BRINP2: variants seen among roughly 807,000 people sequenced by gnomAD.
BRINP2 encodes the protein BMP/retinoic acid-inducible neural-specific protein 2.
Under a neutral mutation model 69.2 loss-of-function variants are expected in BRINP2, and 21 were observed. The observed-to-expected ratio is 0.30, with a 90% CI of 0.22 to 0.44. The LOEUF (loss-of-function observed/expected upper bound fraction) is 0.44. Ranked by LOEUF, BRINP2 falls within the 20% of genes least tolerant of loss-of-function variation. The pLI is 1.00. For missense variants in BRINP2, 877 were observed against 986.0 expected (o/e 0.89, Z 1.48); for synonymous variants, 380 against 394.1 (o/e 0.96, Z 0.42).
At chr1:177,191,533 C>A (rs1267174060) in intron 1 of BRINP2, among the ~76,000 whole-genome samples, 1 of 152,194 alleles carries the variant, frequency 6.6e-6, no homozygotes, top group African/African-American at 2.4e-5. Context: ...CAGCTCACTG[C>A]AACCTCTGCT....
chr1:177,247,344 A>G (rs1352704544), intron 2 of BRINP2, among the ~76,000 whole-genome samples: 1 of 152,244 alleles, frequency 6.6e-6, no homozygotes, highest in Non-Finnish European at 1.5e-5. Context: ...TCTGAGAACA[A>G]AGACAGTTGA....
chr1:177,176,020 T>C (rs1002888525), intron 1 of BRINP2, among the ~76,000 whole-genome samples: 1 of 152,208 alleles, frequency 6.6e-6, no homozygotes, highest in Non-Finnish European at 1.5e-5. Flanking sequence ...ACCAATCTCG[T>C]CTGACCAATT....
At chr1:177,274,364 T>A (rs1436145493) in intron 5 of BRINP2, among the ~76,000 whole-genome samples, 1 of 152,238 alleles carries the variant, frequency 6.6e-6, no homozygotes, top group African/African-American at 2.4e-5. Flanking sequence ...CTGTTTAAGA[T>A]ATTATTGTCT....
chr1:177,182,959 CTTTT>C (rs1055234536), intron 1 of BRINP2, among the ~76,000 whole-genome samples: 1 of 150,370 alleles, frequency 6.7e-6, no homozygotes, highest in East Asian at 1.9e-4. Context: ...TGTTGTTTTT[CTTTT>C]TTTTTCTTTT....
intron 2 of BRINP2, among the ~76,000 whole-genome samples, chr1:177,253,196 C>T (rs139781988): frequency 1.3e-5 from 2 of 152,242 alleles, no homozygotes; most frequent in African/African-American, 4.8e-5. Context: ...TCTCTGCATC[C>T]TGACCAGCAT....
In BRINP2 at chr1:177,171,978, G is replaced by A. The variant is rs201848435; in HGVS notation, c.-77+246G>A. On this transcript the variant is annotated intron_variant, in intron 1 of 7. Coordinates refer to ENST00000361539, the MANE Select transcript of BRINP2 (RefSeq NM_021165.4). ...TGTTGCATGGCTGTCAGAGGGTTTGGGCTCCCTGCCTGACCTATATTGCTT... is the reference window on the plus strand; with the variant it reads ...TGTTGCATGGCTGTCAGAGGGTTTGAGCTCCCTGCCTGACCTATATTGCTT... 3.3e-5 allele frequency among the ~76,000 whole-genome samples: 5 copies of A among 152,138 alleles called. No individual in the cohort carries two copies. In the East Asian group the frequency reaches 9.6e-4, roughly 29 times the overall value.
In BRINP2 at chr1:177,194,630, T is replaced by G. The variant is rs1012599087; in HGVS notation, c.-77+22898T>G. ...TCCTTCTATCCCCTTTTGATTTTAA[T>G]AAGCCTTCATTTTTTCCCTCTCCTG... On this transcript the variant is annotated intron_variant, in intron 1 of 7. Coordinates refer to ENST00000361539, the MANE Select transcript of BRINP2 (RefSeq NM_021165.4). 2.0e-5 allele frequency among the ~76,000 whole-genome samples: 3 copies of G among 152,218 alleles called. No homozygotes were observed. The East Asian group carries it at 5.8e-4, about 29-fold the overall frequency.
intron 1 of BRINP2, among the ~76,000 whole-genome samples, chr1:177,227,992 C>T (rs545571994): frequency 6.6e-6 from 1 of 152,288 alleles, no homozygotes; most frequent in Admixed American, 6.5e-5. Flanking sequence ...TGTCTTACCG[C>T]CTGCTCTAGT....
chr1:177,280,356 G>C (rs772103592), intron 7 of BRINP2, 56 bp from the exon 8 acceptor site: 2 of 1,485,246 alleles, frequency 1.3e-6, no homozygotes, highest in Non-Finnish European at 1.8e-6. Flanking sequence ...CCTTAAGAAG[G>C]GTGTCAGTGT....
At chr1:177,220,850 G>A (rs554454) in intron 1 of BRINP2, among the ~76,000 whole-genome samples, 92,588 of 151,908 alleles carry the variant, frequency 0.61, 28,553 homozygotes, top group African/African-American at 0.67. Context: ...CGCCTAACCT[G>A]TGGTTTTTGA....
At chr1:177,257,120 G>C (rs1650790140) in intron 3 of BRINP2, 56 bp from the exon 4 acceptor site, 2 of 1,604,648 alleles carry the variant, frequency 1.2e-6, no homozygotes, top group Non-Finnish European at 1.7e-6. Context: ...TGTTCCTATT[G>C]GTAGGGGATT....
rs1237952554 is a variant in BRINP2 at position 177,262,954 on chromosome 1, A to G, written c.669+5570A>G. 2.6e-5 allele frequency among the ~76,000 whole-genome samples: 4 copies of G among 152,328 alleles called. No individual in the cohort carries two copies. In the East Asian group the frequency reaches 7.7e-4, roughly 29 times the overall value. On this transcript the variant is annotated intron_variant, in intron 4 of 7. Transcript: ENST00000361539. The stretch of plus-strand genomic sequence containing the variant: ...GTAAGTTTTATCAGCTACATTTAGC[A>G]GTTCATGTATAGGTAGGCATGGAAT...
intron 1 of BRINP2, among the ~76,000 whole-genome samples, chr1:177,188,391 GA>G (rs1330291739): frequency 1.1e-4 from 17 of 151,720 alleles, no homozygotes; most frequent in African/African-American, 1.9e-4. Flanking sequence ...ACAACAACAA[GA>G]AAAAAAACAT....
intron 1 of BRINP2, among the ~76,000 whole-genome samples, chr1:177,186,412 G>A (rs552355630): frequency 1.3e-5 from 2 of 152,040 alleles, no homozygotes; most frequent in Admixed American, 1.3e-4. Flanking sequence ...TGAAAGTAAC[G>A]GCAAAAACTG....
intron 2 of BRINP2, among the ~76,000 whole-genome samples, chr1:177,248,456 C>CGT (rs1558176063): frequency 2.1e-5 from 3 of 139,560 alleles, no homozygotes; most frequent in Non-Finnish European, 3.1e-5. Context: ...TGTGTGTGTG[C>CGT]GTGCGTGTGT....
At chr1:177,251,924 T>G (rs1650596210) in intron 2 of BRINP2, among the ~76,000 whole-genome samples, 1 of 152,184 alleles carries the variant, frequency 6.6e-6, no homozygotes, top group Non-Finnish European at 1.5e-5. Flanking sequence ...AGATTAGAAA[T>G]TATTAGTTAA....
intron 4 of BRINP2, 57 bp downstream of exon 4, chr1:177,257,441 G>A (rs1202716963): frequency 2.0e-6 from 3 of 1,482,898 alleles, no homozygotes; most frequent in Non-Finnish European, 2.7e-6. Flanking sequence ...GAACCAGGGG[G>A]AGGCCAGAGC....
chr1:177,208,111 A>G (rs1649116962), intron 1 of BRINP2, among the ~76,000 whole-genome samples: 1 of 152,192 alleles, frequency 6.6e-6, no homozygotes, highest in Admixed American at 6.5e-5. Flanking sequence ...CCATAAAAAG[A>G]ATCTAACAGT....
intron 1 of BRINP2, among the ~76,000 whole-genome samples, chr1:177,229,453 G>T (rs796396045): frequency 5.9e-5 from 9 of 152,276 alleles, no homozygotes; most frequent in African/African-American, 2.2e-4. Flanking sequence ...AGTGGGTCAA[G>T]GTAGGATGCA....
Sources: gnomAD v4.1 joint callset for allele counts (sites outside exome capture counted in the v4.1 genomes callset) on GRCh38, gnomAD v4.1.1 for gene constraint, MANE v1.5 for transcripts, NCBI Gene and HGNC (gene_info 2026-07-23, HGNC 2026-07-21) for gene names.